Variants in STX2 observed in about 807,000 individuals in gnomAD.
STX2 encodes the protein syntaxin-2.
STX2 carries 27 observed loss-of-function variants against 40.6 expected under a neutral mutation model. The ratio of observed to expected loss-of-function variants is 0.66; its 90% confidence interval spans 0.49 to 0.92. The LOEUF is 0.92. Ranked by LOEUF, STX2 falls within the 40% of genes least tolerant of loss-of-function variation. The probability of loss-of-function intolerance (pLI) is 0.00; values close to 1 mark genes in which losing one functional copy is unlikely to be tolerated. For missense variants in STX2, 328 were observed against 366.1 expected, an observed-to-expected ratio of 0.90 and a Z score of 0.85; for synonymous variants, 123 against 119.1, an observed-to-expected ratio of 1.03 and a Z score of -0.22.
rs770781108 is a variant in STX2, at chr12:130,801,397, G to A, written c.537+18C>T. ...TACAGAAGAGGACATGGAGCCACAG[G>A]GCCGCACCCCCACTCACGTCGGAAG... On this transcript the variant is annotated intron_variant, in intron 7 of 10. Transcript: ENST00000392373. 27 of 1,603,198 alleles carry A rather than the reference G, an allele frequency of 1.7e-5. No homozygotes were observed. The highest frequency in any genetic ancestry group is 2.2e-5 in the Non-Finnish European group (26 of 1,174,050).
Position 130,801,186 on chromosome 12 carries a change from C to T in STX2, c.642G>A (p.Met214Ile). The T allele has an allele frequency of 6.2e-7, 1 of 1,613,788 alleles. No individual in the cohort carries two copies. The highest frequency in any genetic ancestry group is 8.5e-7 in the Non-Finnish European group (1 of 1,179,770). Residue 214 changes from methionine to isoleucine, a missense_variant, in exon 8 of 11, where the codon ATG becomes ATA. Met to Ile is a conservative substitution (Grantham distance 10). Coordinates refer to ENST00000392373, the MANE Select transcript of STX2 (RefSeq NM_194356.4). ...CCACAAACATAGCCATGTCCATGAA[C>T]ATCTCATGCAACTCTCGGATGCTGG... ...LETSIRELHEMFMDMAMFVET... is the reference protein window; with the variant it reads ...LETSIRELHEIFMDMAMFVET...
chr12:130,815,873 T>C (rs868515627), intron 3 of STX2, among the ~76,000 whole-genome samples: 7 of 152,202 alleles, frequency 4.6e-5, no homozygotes, highest in South Asian at 4.1e-4. Context: ...AGTTTGGATA[T>C]TATATGTTTT....
intron 1 of STX2, among the ~76,000 whole-genome samples, chr12:130,838,021 C>G (rs575531287): frequency 1.3e-5 from 2 of 152,272 alleles, no homozygotes; most frequent in South Asian, 4.1e-4. Context: ...TTCTCCCACT[C>G]GGGGGTACAT....
intron 4 of STX2, chr12:130,812,433 A>C (rs1374257664): frequency 4.6e-6 from 2 of 431,778 alleles, no homozygotes; most frequent in Non-Finnish European, 9.2e-6. Flanking sequence ...GCTTCTGCAC[A>C]CATCTGAAAC....
rs1376395288 is a variant in STX2, at chr12:130,790,935, T to C, written c.*1088A>G. 3.3e-5 allele frequency: 5 copies of C among 152,434 alleles called. No individual in the cohort carries two copies. Among genetic ancestry groups the C allele is most frequent in the Admixed American group, 1.3e-4 (2 of 15,248 alleles). 9.4% of individuals were successfully genotyped at this position (152,434 alleles called of 1,614,324 possible). ...GGCACTTGAGGGCTTTGAGGGGCTT[T>C]GCAGCCAATGTTTTCCGTGACAATG... On this transcript the variant is annotated 3_prime_UTR_variant, in exon 11 of 11. Coordinates refer to ENST00000392373, the MANE Select transcript of STX2 (RefSeq NM_194356.4).
At chr12:130,795,182 T>C (rs1312801862) in intron 10 of STX2, among the ~76,000 whole-genome samples, 1 of 152,230 alleles carries the variant, frequency 6.6e-6, no homozygotes, top group African/African-American at 2.4e-5. Context: ...TTAAAGGAAA[T>C]ATTTTTAAAT....
intron 4 of STX2, among the ~76,000 whole-genome samples, chr12:130,809,840 A>C (rs2068987279): frequency 6.6e-6 from 1 of 152,200 alleles, no homozygotes; most frequent in East Asian, 1.9e-4. Context: ...ACACAGAGGA[A>C]AAACTATTCA....
At chr12:130,810,147 T>C (rs1012605407) in intron 4 of STX2, among the ~76,000 whole-genome samples, 14 of 152,216 alleles carry the variant, frequency 9.2e-5, no homozygotes, top group Non-Finnish European at 1.8e-4. Context: ...TGACAGTAGA[T>C]GCTGGCATAA....
At chr12:130,800,387 A>C (rs1008942216) in intron 8 of STX2, among the ~76,000 whole-genome samples, 2 of 151,266 alleles carry the variant, frequency 1.3e-5, no homozygotes, top group Non-Finnish European at 2.9e-5. Flanking sequence ...CACAGCCTTG[A>C]ACTCATGGGC....
At chr12:130,812,622 G>A (rs61117292) in intron 4 of STX2, 5 of 265,910 alleles carry the variant, frequency 1.9e-5, no homozygotes, top group Non-Finnish European at 3.6e-5. Flanking sequence ...CTGCTAAAGT[G>A]GAATGCCAAA....
At chr12:130,809,849 C>A (rs1038748295) in intron 4 of STX2, among the ~76,000 whole-genome samples, 1 of 152,090 alleles carries the variant, frequency 6.6e-6, no homozygotes, top group African/African-American at 2.4e-5. Context: ...AAAAACTATT[C>A]AAAGCAACTT....
chr12:130,804,620 C>T (rs370781892), intron 6 of STX2, among the ~76,000 whole-genome samples: 6 of 152,132 alleles, frequency 3.9e-5, no homozygotes, highest in South Asian at 2.1e-4. Flanking sequence ...TCTGTTCGTA[C>T]GTCCCTAGCC....
intron 2 of STX2, among the ~76,000 whole-genome samples, chr12:130,824,910 C>A (rs536040893): frequency 3.9e-5 from 6 of 152,294 alleles, no homozygotes; most frequent in Non-Finnish European, 8.8e-5. Flanking sequence ...CCGGGCAAGC[C>A]TTCCTAAAGT....
At chr12:130,824,485 C>T (rs1952226915) in intron 2 of STX2, among the ~76,000 whole-genome samples, 2 of 152,216 alleles carry the variant, frequency 1.3e-5, no homozygotes, top group African/African-American at 4.8e-5. Context: ...CTGCAATATA[C>T]ACCGCTGCTA....
intron 3 of STX2, among the ~76,000 whole-genome samples, chr12:130,820,670 TAAAAA>T (rs578084752): frequency 7.1e-6 from 1 of 141,762 alleles, no homozygotes; most frequent in Admixed American, 7.0e-5. Flanking sequence ...CGTCTCAAAA[TAAAAA>T]AAAAAATAGA....
Position 130,808,639 on chromosome 12 carries a change from T to C in STX2, c.346A>G (p.Arg116Gly), listed in dbSNP as rs1951530906. Residue 116 changes from arginine to glycine, a missense_variant, in exon 5 of 11, where the codon AGA becomes GGA. Coordinates refer to ENST00000392373, the MANE Select transcript of STX2 (RefSeq NM_194356.4). ...NRTSVDLRIR[R>G]TQHSVLSRKF... is the part of the protein sequence containing the mutation. ...CGAGGCTGATAGCAAACCTGGGTTC[T>C]TCGTATCCGAAGATCCACTGAAGTC... 1 of 1,613,244 alleles carries C rather than the reference T, an allele frequency of 6.2e-7. No homozygotes were observed. Among genetic ancestry groups the C allele is most frequent in the Admixed American group, 1.7e-5 (1 of 59,812 alleles).
chr12:130,818,738 A>C (rs1235122703), intron 3 of STX2, among the ~76,000 whole-genome samples: 1 of 152,188 alleles, frequency 6.6e-6, no homozygotes, highest in Non-Finnish European at 1.5e-5. Context: ...CGGCTGAGGG[A>C]ACAGGAAGCA....
intron 4 of STX2, chr12:130,812,253 G>T: frequency 2.5e-6 from 1 of 398,124 alleles, no homozygotes; most frequent in South Asian, 1.8e-5. Flanking sequence ...ATGAATTTGG[G>T]TTTAGATATA....
At chr12:130,834,346 C>T (rs1952683088) in intron 1 of STX2, among the ~76,000 whole-genome samples, 1 of 125,590 alleles carries the variant, frequency 8.0e-6, no homozygotes, top group African/African-American at 3.1e-5. Flanking sequence ...AAGAAAGCGA[C>T]ACTCTGTCTC....
Sources: allele counts gnomAD v4.1 joint callset (sites outside exome capture counted in the v4.1 genomes callset), GRCh38; gene constraint gnomAD v4.1.1; transcripts MANE v1.5; gene names NCBI Gene and HGNC (gene_info 2026-07-23, HGNC 2026-07-21).